The following CDH18 variants were observed in gnomAD, a reference collection of about 807,000 sequenced individuals.
The protein encoded by CDH18 is cadherin 18, also known as cadherin-18.
A neutral mutation model predicts 67.9 loss-of-function variants in CDH18; 31 were observed. That is an observed-to-expected ratio of 0.46 (90% CI 0.34 to 0.62). CDH18 has a LOEUF of 0.62. CDH18 is among the 20% of genes least tolerant of loss of function. The pLI is 0.01. For missense variants in CDH18, 890 were observed against 975.5 expected, an observed-to-expected ratio of 0.91 and a Z score of 1.17; for synonymous variants, 362 against 347.2, an observed-to-expected ratio of 1.04 and a Z score of -0.48.
At chr5:20,261,718 G>C (rs1049507870) in intron 1 of CDH18, among the ~76,000 whole-genome samples, 6 of 151,580 alleles carry the variant, frequency 4.0e-5, no homozygotes, top group African/African-American at 1.2e-4. Flanking sequence ...GCGACAGAGC[G>C]AGACTCCGTT....
intron 2 of CDH18, among the ~76,000 whole-genome samples, chr5:19,959,589 A>G (rs953595972): frequency 6.6e-6 from 1 of 152,102 alleles, no homozygotes; most frequent in Non-Finnish European, 1.5e-5. Flanking sequence ...AATTTAGATT[A>G]TCTCTAATGT....
chr5:20,428,923 C>T (rs10052945), intron 1 of CDH18, among the ~76,000 whole-genome samples: 32,345 of 151,954 alleles, frequency 0.21, 3,672 homozygotes, highest in East Asian at 0.3. Flanking sequence ...CAGATGGTAA[C>T]AGGCAATCTC....
At chr5:20,175,111 G>C (rs756645379) in intron 2 of CDH18, among the ~76,000 whole-genome samples, 1 of 152,042 alleles carries the variant, frequency 6.6e-6, no homozygotes. Flanking sequence ...ATGAGAATCC[G>C]AGAAAGAGGG....
At chr5:20,013,721 A>G (rs1561713811) in intron 2 of CDH18, among the ~76,000 whole-genome samples, 1 of 152,142 alleles carries the variant, frequency 6.6e-6, no homozygotes, top group South Asian at 2.1e-4. Flanking sequence ...GTTCAAATTT[A>G]TACCTACAAA....
At chr5:19,484,480 G>T (rs770864947) in intron 11 of CDH18, among the ~76,000 whole-genome samples, 1 of 152,050 alleles carries the variant, frequency 6.6e-6, no homozygotes, top group Non-Finnish European at 1.5e-5. Flanking sequence ...GTTATTCCTC[G>T]TCCCTGAATG....
At chr5:19,722,412 C>T (rs577222286) in intron 4 of CDH18, among the ~76,000 whole-genome samples, 3 of 151,084 alleles carry the variant, frequency 2.0e-5, no homozygotes, top group African/African-American at 7.3e-5. Context: ...GTGCCAACAT[C>T]GCACTGGATT....
intron 2 of CDH18, among the ~76,000 whole-genome samples, chr5:19,882,384 G>A (rs2150059114): frequency 6.6e-6 from 1 of 152,094 alleles, no homozygotes; most frequent in East Asian, 1.9e-4. Flanking sequence ...TAACATATAA[G>A]CCACATTACC....
At chr5:20,485,715 T>A (rs1015767131) in intron 1 of CDH18, among the ~76,000 whole-genome samples, 12 of 152,138 alleles carry the variant, frequency 7.9e-5, no homozygotes, top group Admixed American at 7.9e-4. Context: ...AAAAAAGTGT[T>A]TTGCTTCCTC....
intron 2 of CDH18, among the ~76,000 whole-genome samples, chr5:20,043,551 T>C (rs1170971135): frequency 6.6e-6 from 1 of 152,176 alleles, no homozygotes; most frequent in East Asian, 1.9e-4. Context: ...ATACAACCTT[T>C]CATGGTCCTC....
intron 1 of CDH18, among the ~76,000 whole-genome samples, chr5:20,359,282 C>T (rs1741896883): frequency 6.6e-6 from 1 of 152,054 alleles, no homozygotes; most frequent in African/African-American, 2.4e-5. Flanking sequence ...CTCTACTATT[C>T]ACATGTTTTG....
chr5:20,231,019 T>C (rs1017060296), intron 2 of CDH18, among the ~76,000 whole-genome samples: 1 of 152,128 alleles, frequency 6.6e-6, no homozygotes, highest in African/African-American at 2.4e-5. Flanking sequence ...GCCCAACAAG[T>C]TATTTGAATT....
chr5:20,081,796 G>A (rs1008027020), intron 2 of CDH18, among the ~76,000 whole-genome samples: 1 of 152,078 alleles, frequency 6.6e-6, no homozygotes, highest in African/African-American at 2.4e-5. Context: ...CCTACTCGAG[G>A]GTGGAGAGTG....
At chr5:20,200,037 G>T (rs1174695205) in intron 2 of CDH18, among the ~76,000 whole-genome samples, 1 of 152,092 alleles carries the variant, frequency 6.6e-6, no homozygotes, top group Non-Finnish European at 1.5e-5. Context: ...TTTCTTCATA[G>T]CAGCATGAGG....
At chr5:19,860,948 A>G (rs1784828115) in intron 2 of CDH18, among the ~76,000 whole-genome samples, 1 of 152,174 alleles carries the variant, frequency 6.6e-6, no homozygotes, top group Non-Finnish European at 1.5e-5. Flanking sequence ...AATTTTGATG[A>G]AAACCAAAAG....
At chr5:19,787,474 A>G (rs1335988741) in intron 3 of CDH18, among the ~76,000 whole-genome samples, 2 of 152,068 alleles carry the variant, frequency 1.3e-5, no homozygotes, top group Non-Finnish European at 2.9e-5. Flanking sequence ...TGTTTAATGT[A>G]TGAGCAAGTC....
chr5:19,487,767 T>G (rs1286623384), intron 11 of CDH18, among the ~76,000 whole-genome samples: 4 of 152,156 alleles, frequency 2.6e-5, no homozygotes, highest in African/African-American at 9.6e-5. Flanking sequence ...GGTTTTCACA[T>G]GCATATATAA....
chr5:20,327,904 A>G (rs1266614440), intron 1 of CDH18, among the ~76,000 whole-genome samples: 1 of 152,070 alleles, frequency 6.6e-6, no homozygotes, highest in African/African-American at 2.4e-5. Context: ...ACAATACAAT[A>G]ATATTAATAA....
At chr5:20,567,337 T>C (rs1264842902) in intron 1 of CDH18, among the ~76,000 whole-genome samples, 1 of 152,234 alleles carries the variant, frequency 6.6e-6, no homozygotes, top group Non-Finnish European at 1.5e-5. Flanking sequence ...TGTTGAAGTA[T>C]ATTTTTCACC....
intron 2 of CDH18, among the ~76,000 whole-genome samples, chr5:20,049,919 C>T (rs1741262283): frequency 6.6e-6 from 1 of 151,590 alleles, no homozygotes; most frequent in African/African-American, 2.4e-5. Flanking sequence ...ATAAGAAAAA[C>T]AAACTTAATT....
Sources: gnomAD v4.1 joint callset for allele counts (sites outside exome capture counted in the v4.1 genomes callset) on GRCh38, gnomAD v4.1.1 for gene constraint, MANE v1.5 for transcripts, NCBI Gene and HGNC (gene_info 2026-07-23, HGNC 2026-07-21) for gene names.